ADAMTS17: variants seen among roughly 807,000 people sequenced by gnomAD.
ADAMTS17 encodes ADAM metallopeptidase with thrombospondin type 1 motif 17.
A neutral mutation model predicts 141.5 loss-of-function variants in ADAMTS17; 113 were observed. The ratio of observed to expected loss-of-function variants is 0.80; its 90% CI spans 0.69 to 0.93. The LOEUF (loss-of-function observed/expected upper bound fraction) is 0.93, where lower values mean the gene tolerates loss of function less well. ADAMTS17 is among the 40% of genes least tolerant of loss of function. The pLI is 0.00. For missense variants in ADAMTS17, 1,659 were observed against 1,517.9 expected, an observed-to-expected ratio of 1.09 and a Z score of -1.54; for synonymous variants, 768 against 630.6, an observed-to-expected ratio of 1.22 and a Z score of -3.27.
chr15:100,074,414 T>C (rs2034221486), intron 15 of ADAMTS17, among the ~76,000 whole-genome samples: 1 of 152,096 alleles, frequency 6.6e-6, no homozygotes, highest in African/African-American at 2.4e-5. Flanking sequence ...TACATTATTC[T>C]CATATGAAGA....
chr15:100,154,951 C>T (rs1210629210), intron 9 of ADAMTS17, among the ~76,000 whole-genome samples: 3 of 152,198 alleles, frequency 2.0e-5, no homozygotes, highest in Non-Finnish European at 4.4e-5. Flanking sequence ...TTGAGTCGAT[C>T]GGCAATTACG....
intron 18 of ADAMTS17, among the ~76,000 whole-genome samples, chr15:100,019,623 G>A (rs376041749): frequency 2.6e-4 from 40 of 152,280 alleles, no homozygotes; most frequent in Middle Eastern, 3.4e-3. Context: ...ATGTTGCCAC[G>A]CCGTTCATTT....
intron 8 of ADAMTS17, among the ~76,000 whole-genome samples, chr15:100,188,709 A>G (rs1336191655): frequency 6.6e-6 from 1 of 152,184 alleles, no homozygotes; most frequent in Non-Finnish European, 1.5e-5. Flanking sequence ...TACCAAGCAC[A>G]CCTGCTAAGA....
chr15:100,100,280 G>C (rs146593074), intron 14 of ADAMTS17, among the ~76,000 whole-genome samples: 1 of 152,168 alleles, frequency 6.6e-6, no homozygotes, highest in Non-Finnish European at 1.5e-5. Flanking sequence ...CTTCGACTCC[G>C]TGAAAGTGGG....
At chr15:100,010,886 G>A (rs1282035629) in intron 18 of ADAMTS17, among the ~76,000 whole-genome samples, 1 of 152,106 alleles carries the variant, frequency 6.6e-6, no homozygotes, top group African/African-American at 2.4e-5. Context: ...CGAGAATTAT[G>A]AGTTCTCATA....
intron 18 of ADAMTS17, among the ~76,000 whole-genome samples, chr15:100,007,877 A>G (rs1336010149): frequency 6.6e-6 from 1 of 152,136 alleles, no homozygotes; most frequent in Non-Finnish European, 1.5e-5. Context: ...GGGATCATCC[A>G]GACAGCGCAG....
rs188849532 is a variant in ADAMTS17, at chr15:100,130,683, G to A, written c.1721+1324C>T. ...GGCATCAGGATTTTTAAACATAAGA[G>A]GCATTTGCTAATTATCCATCAACAG... On this transcript the variant is annotated intron_variant, in intron 12 of 21. Coordinates refer to ENST00000268070, the MANE Select transcript of ADAMTS17 (RefSeq NM_139057.4). 3.2e-4 allele frequency among the ~76,000 whole-genome samples: 49 copies of A among 152,222 alleles called. No homozygotes were observed. In the East Asian group the frequency reaches 5.6e-3, roughly 17 times the overall value.
chr15:100,158,411 T>G (rs2039535697), intron 8 of ADAMTS17, among the ~76,000 whole-genome samples: 1 of 152,220 alleles, frequency 6.6e-6, no homozygotes, highest in Admixed American at 6.5e-5. Context: ...GTATGAATTC[T>G]TTTTTTGAGG....
chr15:100,314,875 A>T (rs533332018), intron 3 of ADAMTS17, among the ~76,000 whole-genome samples: 39 of 152,326 alleles, frequency 2.6e-4, no homozygotes, highest in African/African-American at 8.7e-4. Flanking sequence ...GCAGTGAGAA[A>T]AAGAGCAGCA....
At chr15:100,050,039 G>A (rs2032018793) in intron 17 of ADAMTS17, among the ~76,000 whole-genome samples, 1 of 152,140 alleles carries the variant, frequency 6.6e-6, no homozygotes, top group Non-Finnish European at 1.5e-5. Context: ...CTCCCTGCTG[G>A]GTCTGTGTCC....
chr15:99,998,146 A>AC (rs1427506559), intron 18 of ADAMTS17, among the ~76,000 whole-genome samples: 12 of 151,818 alleles, frequency 7.9e-5, no homozygotes, highest in Admixed American at 2.6e-4. Context: ...CTGACAAAGA[A>AC]CCCCCCAGCC....
chr15:100,076,924 A>G (rs74740806), intron 15 of ADAMTS17, among the ~76,000 whole-genome samples: 2 of 152,010 alleles, frequency 1.3e-5, no homozygotes, highest in East Asian at 1.9e-4. Flanking sequence ...GTATAGCTCT[A>G]TTTTTTTGCT....
chr15:100,111,247 G>A (rs34675009), intron 13 of ADAMTS17, among the ~76,000 whole-genome samples: 23,553 of 152,206 alleles, frequency 0.15, 2,477 homozygotes, highest in Non-Finnish European at 0.24. Flanking sequence ...TGGGCTCATG[G>A]ACAAGTGTAC....
At chr15:100,240,928 C>A (rs770511819) in intron 7 of ADAMTS17, among the ~76,000 whole-genome samples, 3 of 152,110 alleles carry the variant, frequency 2.0e-5, no homozygotes, top group Non-Finnish European at 4.4e-5. Context: ...CGGGTTCAAG[C>A]GATTCTCCTG....
At chr15:100,233,560 G>A (rs998746913) in intron 7 of ADAMTS17, among the ~76,000 whole-genome samples, 1 of 152,122 alleles carries the variant, frequency 6.6e-6, no homozygotes, top group Non-Finnish European at 1.5e-5. Flanking sequence ...AAAACTCATT[G>A]CATCTCTCAT....
intron 3 of ADAMTS17, among the ~76,000 whole-genome samples, chr15:100,288,352 A>C (rs1322475212): frequency 6.6e-6 from 1 of 152,208 alleles, no homozygotes; most frequent in Non-Finnish European, 1.5e-5. Flanking sequence ...CCCAACACAG[A>C]AGCAGATTCA....
chr15:100,094,900 C>T (rs12593837), intron 15 of ADAMTS17, among the ~76,000 whole-genome samples: 29,554 of 152,066 alleles, frequency 0.19, 3,620 homozygotes, highest in East Asian at 0.49. Flanking sequence ...AAATGGGCAA[C>T]GCTCTGGAGC....
chr15:100,082,041 C>T (rs1230982738), intron 15 of ADAMTS17, among the ~76,000 whole-genome samples: 1 of 152,146 alleles, frequency 6.6e-6, no homozygotes, highest in African/African-American at 2.4e-5. Flanking sequence ...AGTCTATCAT[C>T]TGTTGTTTCT....
chr15:100,173,358 A>G (rs2040226814), intron 8 of ADAMTS17, among the ~76,000 whole-genome samples: 1 of 152,124 alleles, frequency 6.6e-6, no homozygotes, highest in Non-Finnish European at 1.5e-5. Context: ...GGTTGCCTTG[A>G]GAGAGAACAG....
Sources: gnomAD v4.1 joint callset for allele counts (sites outside exome capture counted in the v4.1 genomes callset) on GRCh38, gnomAD v4.1.1 for gene constraint, MANE v1.5 for transcripts, NCBI Gene and HGNC (gene_info 2026-07-23, HGNC 2026-07-21) for gene names.